Variants in DFFA observed in about 807,000 individuals in gnomAD.
DFFA encodes DNA fragmentation factor subunit alpha, also known as DFF45.
A neutral mutation model predicts 28.0 loss-of-function variants in DFFA; 14 were observed. The ratio of observed to expected loss-of-function variants is 0.50; its 90% confidence interval spans 0.33 to 0.78. The LOEUF (loss-of-function observed/expected upper bound fraction) is 0.78, where lower values mean the gene tolerates loss of function less well. Among genes scored for constraint, DFFA ranks in the 30% least tolerant of loss-of-function variants. The pLI, the probability that DFFA is intolerant of heterozygous loss-of-function variation, is 0.02. For missense variants in DFFA, 395 were observed against 407.1 expected, an observed-to-expected ratio of 0.97 and a Z score of 0.26; for synonymous variants, 158 against 170.3, an observed-to-expected ratio of 0.93 and a Z score of 0.56.
intron 4 of DFFA, 41 bp downstream of exon 4, chr1:10,463,390 C>T (rs1233531918): frequency 6.3e-7 from 1 of 1,580,350 alleles, no homozygotes; most frequent in Non-Finnish European, 8.6e-7. Flanking sequence ...CCTCCATCAG[C>T]CCTGAATTCT....
intron 1 of DFFA, among the ~76,000 whole-genome samples, chr1:10,471,997 G>C (rs1641104904): frequency 6.6e-6 from 1 of 152,138 alleles, no homozygotes; most frequent in Non-Finnish European, 1.5e-5. Context: ...TACCATCTGA[G>C]TGTGGCGGAG....
rs761384807 is a variant in DFFA, at chr1:10,469,231, T to G, written c.244A>C (p.Asn82His). The stretch of plus-strand genomic sequence containing the variant: ...CTAGCCAATGCCACAAACTTAGTAT[T>G]GGAAGGTAGACACAGAAAGTAATCG... ...DDDYFLCLPS[N>H]TKFVALASNE... The change falls in exon 2 of 6, where the codon AAT becomes CAT. Residue 82 changes from asparagine to histidine, a missense_variant. Asn to His is a moderately conservative substitution (Grantham distance 68, BLOSUM62 1). Coordinates refer to ENST00000377038, the MANE Select transcript of DFFA (RefSeq NM_004401.3). 1 of 1,614,148 alleles carries G rather than the reference T, an allele frequency of 6.2e-7. No individual in the cohort carries two copies. The highest frequency in any genetic ancestry group is 1.7e-5 in the Admixed American group (1 of 60,010).
intron 3 of DFFA, among the ~76,000 whole-genome samples, chr1:10,466,195 T>TC (rs1389996682): frequency 6.6e-6 from 1 of 152,054 alleles, no homozygotes; most frequent in African/African-American, 2.4e-5. Context: ...ATCTTTTTTT[T>TC]CTTTTTGAGA....
rs1054476997 is a variant in DFFA, at chr1:10,467,340, A to T, written c.299-8T>A. Reference sequence around the variant, plus strand: ...TCCAAGCTGTACCTCCATCTGACACATGGGAGAAAATGCCAGTCACAGAAC... The same window carrying T: ...TCCAAGCTGTACCTCCATCTGACACTTGGGAGAAAATGCCAGTCACAGAAC... On this transcript the variant is annotated splice_region_variant and splice_polypyrimidine_tract_variant and intron_variant, in intron 2 of 5. Transcript: ENST00000377038. 1.9e-6 allele frequency: 3 copies of T among 1,613,976 alleles called. No homozygotes were observed. Among genetic ancestry groups the T allele is most frequent in the Non-Finnish European group, 2.5e-6 (3 of 1,180,020 alleles).
rs1640913523 is a variant in DFFA at position 10,460,528 on chromosome 1, TCC to T, written c.*960_*961del. On this transcript the variant is annotated 3_prime_UTR_variant, in exon 6 of 6. Transcript: ENST00000377038. ...AAGGTGTGAGCCACTGTCGTGCCTG[TCC>T]TTTTTTTTTTTTTTTTTGAGACAGA... is the stretch of plus-strand genomic sequence containing the variant. 1 of 100,262 alleles carries T rather than the reference TCC, an allele frequency of 1.0e-5. No individual in the cohort carries two copies. The highest frequency in any genetic ancestry group is 3.7e-5 in the African/African-American group (1 of 27,378). 6.2% of individuals were successfully genotyped at this position (100,262 alleles called of 1,614,324 possible).
rs1335190528 is a variant in DFFA at position 10,472,296 on chromosome 1, C to A, written c.136+27G>T. 1.3e-6 allele frequency: 2 copies of A among 1,559,424 alleles called. No homozygotes were observed. The highest frequency in any genetic ancestry group is 1.7e-6 in the Non-Finnish European group (2 of 1,147,148). On this transcript the variant is annotated intron_variant, in intron 1 of 5. Transcript: ENST00000377038. The surrounding 1 kb of genome is among the most constrained non-coding windows in gnomAD (Gnocchi z 5.0). Reference sequence around the variant, plus strand: ...TCCTCACCCGGCCCTGGCTCCCCCACACCCTCGCCCGGGGTCCCGAGCCAA... The same window carrying A: ...TCCTCACCCGGCCCTGGCTCCCCCAAACCCTCGCCCGGGGTCCCGAGCCAA...
At chr1:10,461,736 C>T (rs1253467765) in intron 5 of DFFA, 34 bp from the exon 6 acceptor site, 4 of 1,609,962 alleles carry the variant, frequency 2.5e-6, no homozygotes, top group Non-Finnish European at 3.4e-6. Context: ...GAGAACTGGG[C>T]CTTCTGTGCG....
At position 10,460,780 on chromosome 1, in the gene DFFA, G is replaced by C. The variant is rs1289433262; in HGVS notation, c.*710C>G. ...CCTGACCTCGTGATCCACCCGCCTC[G>C]GCCTCCCAAAGTGCTGGGATTACAA... On this transcript the variant is annotated 3_prime_UTR_variant, in exon 6 of 6. Transcript: ENST00000377038. The C allele has an allele frequency of 2.0e-5, 3 of 150,332 alleles. No individual in the cohort carries two copies. Among genetic ancestry groups the C allele is most frequent in the African/African-American group, 4.9e-5 (2 of 40,856 alleles). 9.3% of individuals were successfully genotyped at this position (150,332 alleles called of 1,614,324 possible).
chr1:10,465,706 T>C (rs963055799), intron 3 of DFFA, among the ~76,000 whole-genome samples: 1 of 152,062 alleles, frequency 6.6e-6, no homozygotes, highest in South Asian at 2.1e-4. Context: ...TATTTATTTA[T>C]TTATTTTTGA....
In DFFA at chr1:10,456,860, C is replaced by T. The variant is rs1283527039; in HGVS notation, c.*4630G>A. 1.3e-5 allele frequency: 2 copies of T among 152,138 alleles called. No homozygotes were observed. The highest frequency in any genetic ancestry group is 4.8e-5 in the African/African-American group (2 of 41,420). The allele number at this position is 152,138 out of a possible 1,614,324, so 9.4% of individuals were successfully genotyped here. A position where few individuals can be genotyped will look rare whatever the true frequency, so the allele number is the denominator to read the frequency against. ...TACCACAAGAACGGGCATGCCCTGC[C>T]CTCTCTCACTCCTATTTTTAGACGT... On this transcript the variant is annotated 3_prime_UTR_variant, in exon 6 of 6. Transcript: ENST00000377038.
rs1640866913 is a variant in DFFA at position 10,456,706 on chromosome 1, T to C, written c.*4784A>G. The C allele has an allele frequency of 6.6e-6, 1 of 152,222 alleles. No individual in the cohort carries two copies. Among genetic ancestry groups the C allele is most frequent in the African/African-American group, 2.4e-5 (1 of 41,448 alleles). 9.4% of individuals were successfully genotyped at this position (152,222 alleles called of 1,614,324 possible). A position where few individuals can be genotyped will look rare whatever the true frequency, so the allele number is the denominator to read the frequency against. ...CCAGAAATTAAAGGTTGGTAAGTGG[T>C]AATTAGCGTAGCTCCTGTCAAAGCC... On this transcript the variant is annotated 3_prime_UTR_variant, in exon 6 of 6. Coordinates refer to ENST00000377038, the MANE Select transcript of DFFA (RefSeq NM_004401.3).
chr1:10,462,437 A>T, intron 5 of DFFA: 1 of 987,898 alleles, frequency 1.0e-6, no homozygotes, highest in Non-Finnish European at 1.2e-6. Context: ...CCGGACAAGC[A>T]TGGGCCTTTT....
chr1:10,462,528 C>T, intron 5 of DFFA: 1 of 989,796 alleles, frequency 1.0e-6, no homozygotes, highest in Non-Finnish European at 1.2e-6. Flanking sequence ...GAAATTTAGC[C>T]AAGCTCAAGT....
rs538262381 is a variant in DFFA at position 10,468,383 on chromosome 1, G to C, written c.298+794C>G. Among the ~76,000 whole-genome samples the C allele has an allele frequency of 4.6e-5, 7 of 150,808 alleles. No individual in the cohort carries two copies. The East Asian group carries it at 7.8e-4, about 17-fold the overall frequency. ...GAGTCATTTATTCTTGGTTATCACAGTTGTGGGGGGAGGTTCGTAACATCT... is the reference window on the plus strand; with the variant it reads ...GAGTCATTTATTCTTGGTTATCACACTTGTGGGGGGAGGTTCGTAACATCT... On this transcript the variant is annotated intron_variant, in intron 2 of 5. Coordinates refer to ENST00000377038, the MANE Select transcript of DFFA (RefSeq NM_004401.3).
chr1:10,463,250 CCA>C (rs1012854829), intron 4 of DFFA, 41 bp from the exon 5 acceptor site: 3 of 1,598,802 alleles, frequency 1.9e-6, no homozygotes, highest in Non-Finnish European at 2.6e-6. Flanking sequence ...CGTGGTGTGA[CCA>C]CACAGCCACA....
chr1:10,469,571 A>G (rs1641067217), intron 1 of DFFA, among the ~76,000 whole-genome samples: 1 of 152,084 alleles, frequency 6.6e-6, no homozygotes, highest in Non-Finnish European at 1.5e-5. Flanking sequence ...CCCAGGCTGC[A>G]GTGCACTGGC....
rs767126852 is a variant in DFFA, at chr1:10,469,212, A to T, written c.263T>A (p.Leu88Ter). 1 of 1,614,206 alleles carries T rather than the reference A, an allele frequency of 6.2e-7. No homozygotes were observed. The highest frequency in any genetic ancestry group is 8.5e-7 in the Non-Finnish European group (1 of 1,180,034). Residue 88 changes from leucine to a stop codon, truncating the protein, a stop_gained, in exon 2 of 6, where the codon TTG becomes TAG. Coordinates refer to ENST00000377038, the MANE Select transcript of DFFA (RefSeq NM_004401.3). LOFTEE classifies it high-confidence loss of function. ...GTATGCCCATTTCTCATTACTAGCCAATGCCACAAACTTAGTATTGGAAGG... is the reference window on the plus strand; with the variant it reads ...GTATGCCCATTTCTCATTACTAGCCTATGCCACAAACTTAGTATTGGAAGG... ...CLPSNTKFVA[L>*]ASNEKWAYNN... is the part of the protein sequence containing the mutation.
chr1:10,458,968 T>C lies in DFFA; in HGVS notation c.*2522A>G. 1 of 152,306 alleles carries C rather than the reference T, an allele frequency of 6.6e-6. No homozygotes were observed. The highest frequency in any genetic ancestry group is 1.5e-5 in the Non-Finnish European group (1 of 68,076). 9.4% of individuals were successfully genotyped at this position (152,306 alleles called of 1,614,324 possible). ...CCTGGGTTCAAGCAATTCTCATGCC[T>C]CAGCCTCCCAAGTAACTGGGACTAC... On this transcript the variant is annotated 3_prime_UTR_variant, in exon 6 of 6. Coordinates refer to ENST00000377038, the MANE Select transcript of DFFA (RefSeq NM_004401.3).
chr1:10,461,936 G>C (rs562871705), intron 5 of DFFA: 8 of 855,090 alleles, frequency 9.4e-6, no homozygotes, highest in Admixed American at 1.2e-4. Context: ...CTCCCTGCAA[G>C]CTCCGCCTCC....
Sources: allele counts gnomAD v4.1 joint callset (sites outside exome capture counted in the v4.1 genomes callset), GRCh38; gene constraint gnomAD v4.1.1; non-coding constraint Gnocchi (gnomAD v3.1); transcripts MANE v1.5; gene names NCBI Gene and HGNC (gene_info 2026-07-23, HGNC 2026-07-21).